Variants in ADAM23 observed in about 807,000 individuals in gnomAD.
ADAM23 encodes the protein disintegrin and metalloproteinase domain-containing protein 23.
ADAM23 carries 33 observed loss-of-function variants against 120.1 expected under a neutral mutation model. The observed-to-expected ratio is 0.27, with a 90% CI of 0.21 to 0.37. The LOEUF is 0.37. Among genes scored for constraint, ADAM23 ranks in the 10% least tolerant of loss-of-function variants. The probability of loss-of-function intolerance (pLI) is 1.00; values close to 1 mark genes in which losing one functional copy is unlikely to be tolerated. For missense variants in ADAM23, 862 were observed against 1,058.2 expected (o/e 0.81, Z 2.57); for synonymous variants, 367 against 375.2 (o/e 0.98, Z 0.25).
At chr2:206,575,589 A>G (rs773822161) in intron 18 of ADAM23, among the ~76,000 whole-genome samples, 1 of 152,164 alleles carries the variant, frequency 6.6e-6, no homozygotes, top group Non-Finnish European at 1.5e-5. Flanking sequence ...AGAGGCTCCC[A>G]ATAGAGTACA....
intron 4 of ADAM23, among the ~76,000 whole-genome samples, chr2:206,533,749 T>C (rs1028878845): frequency 5.9e-5 from 9 of 152,244 alleles, no homozygotes; most frequent in Non-Finnish European, 1.3e-4. Flanking sequence ...AAAAGATTAA[T>C]GTCTTGGCTT....
intron 3 of ADAM23, among the ~76,000 whole-genome samples, chr2:206,499,500 G>C (rs1026920775): frequency 1.5e-5 from 2 of 129,060 alleles, no homozygotes; most frequent in Non-Finnish European, 3.3e-5. Flanking sequence ...TTGTGGGGTG[G>C]GGGGAGGGGG....
Position 206,531,330 on chromosome 2 carries a change from G to A in ADAM23, c.573+382G>A, listed in dbSNP as rs79692644. Among the ~76,000 whole-genome samples the A allele has an allele frequency of 1.6e-4, 25 of 152,286 alleles. No homozygotes were observed. In the East Asian group the frequency reaches 4.6e-3, roughly 28 times the overall value. ...TGCAAATGATTTTGCTGCCCAAGAA[G>A]GGCAGAGGACAGGTGGGGGAAGTGA... On this transcript the variant is annotated intron_variant, in intron 4 of 25. Transcript: ENST00000264377.
chr2:206,494,432 A>C (rs1171746802), intron 3 of ADAM23, among the ~76,000 whole-genome samples: 5 of 152,200 alleles, frequency 3.3e-5, no homozygotes, highest in African/African-American at 1.2e-4. Context: ...CCTGTGCACT[A>C]TGCCAGCTCA....
chr2:206,553,149 G>A lies in ADAM23; in HGVS notation c.933+2989G>A, dbSNP rs567001501. Among the ~76,000 whole-genome samples the A allele has an allele frequency of 1.6e-4, 24 of 152,312 alleles. No individual in the cohort carries two copies. In the South Asian group the frequency reaches 3.9e-3, roughly 25 times the overall value. ...TCGCAGCACTTTGGGAGTCCAAGGC[G>A]TGTGGATCACTTGAGGTAAGGAGTT... On this transcript the variant is annotated intron_variant, in intron 9 of 25. Coordinates refer to ENST00000264377, the MANE Select transcript of ADAM23 (RefSeq NM_003812.4).
At chr2:206,489,527 T>C (rs779515310) in intron 3 of ADAM23, among the ~76,000 whole-genome samples, 40 of 152,218 alleles carry the variant, frequency 2.6e-4, no homozygotes, top group Non-Finnish European at 4.4e-4. Flanking sequence ...GAAGGTTAAA[T>C]GCTTTACTTC....
At chr2:206,510,329 A>G (rs970306781) in intron 3 of ADAM23, among the ~76,000 whole-genome samples, 4 of 152,238 alleles carry the variant, frequency 2.6e-5, no homozygotes, top group African/African-American at 7.2e-5. Context: ...AAAAAATCCT[A>G]CTAAAGTTGT....
intron 10 of ADAM23, among the ~76,000 whole-genome samples, chr2:206,558,921 TTTTGTTTG>T (rs71409830): frequency 0.11 from 15,005 of 134,838 alleles, 1,242 homozygotes; most frequent in Admixed American, 0.17. Context: ...ATCCATTGGT[TTTTGTTTG>T]TTTGTTTGTT....
intron 18 of ADAM23, among the ~76,000 whole-genome samples, chr2:206,583,102 C>T (rs1698250106): frequency 6.6e-6 from 1 of 152,326 alleles, no homozygotes; most frequent in African/African-American, 2.4e-5. Context: ...AGGTCTCTCA[C>T]AAGGCCAAGG....
intron 2 of ADAM23, among the ~76,000 whole-genome samples, chr2:206,475,789 A>T (rs1695762329): frequency 6.6e-6 from 1 of 152,062 alleles, no homozygotes; most frequent in Admixed American, 6.6e-5. Context: ...AAAAAAGGTG[A>T]TGTTTTATAT....
intron 2 of ADAM23, among the ~76,000 whole-genome samples, chr2:206,454,142 G>A (rs1574475773): frequency 6.6e-6 from 1 of 152,162 alleles, no homozygotes; most frequent in African/African-American, 2.4e-5. Flanking sequence ...ACCTGAGACT[G>A]GGTAATTTAT....
chr2:206,587,736 T>A (rs1305254517), intron 19 of ADAM23, among the ~76,000 whole-genome samples: 1 of 152,044 alleles, frequency 6.6e-6, no homozygotes, highest in African/African-American at 2.4e-5. Flanking sequence ...AACCTACAGG[T>A]GAGTATCATG....
At chr2:206,568,576 G>C (rs569052505) in intron 15 of ADAM23, among the ~76,000 whole-genome samples, 490 of 152,278 alleles carry the variant, frequency 3.2e-3, no homozygotes, top group Non-Finnish European at 5.9e-3. Flanking sequence ...AAACTCACCA[G>C]CTTCAAAGCT....
At chr2:206,464,530 G>A (rs10195339) in intron 2 of ADAM23, among the ~76,000 whole-genome samples, 2,574 of 151,708 alleles carry the variant, frequency 0.017, 34 homozygotes, top group African/African-American at 0.025. Flanking sequence ...AGCCGAGAAC[G>A]CACCACTGCT....
chr2:206,485,704 C>T (rs1695997896), intron 3 of ADAM23, among the ~76,000 whole-genome samples: 1 of 152,190 alleles, frequency 6.6e-6, no homozygotes, highest in Non-Finnish European at 1.5e-5. Flanking sequence ...GCTGATGTTG[C>T]TGAGAATAAG....
intron 3 of ADAM23, among the ~76,000 whole-genome samples, chr2:206,500,678 C>T (rs1696369168): frequency 6.6e-6 from 1 of 152,118 alleles, no homozygotes; most frequent in African/African-American, 2.4e-5. Context: ...CTCCAGGAAC[C>T]TGAGAGTGTG....
intron 24 of ADAM23, among the ~76,000 whole-genome samples, chr2:206,606,061 G>C (rs950898950): frequency 5.9e-5 from 9 of 152,154 alleles, no homozygotes; most frequent in African/African-American, 2.2e-4. Flanking sequence ...ACCTTCTCCT[G>C]TCTGGAACAA....
intron 2 of ADAM23, among the ~76,000 whole-genome samples, chr2:206,470,768 C>T (rs1695641186): frequency 6.6e-6 from 1 of 152,194 alleles, no homozygotes; most frequent in Non-Finnish European, 1.5e-5. Flanking sequence ...TAGATGAGGT[C>T]AGAATTCAGT....
At chr2:206,493,063 C>G (rs907372366) in intron 3 of ADAM23, among the ~76,000 whole-genome samples, 15 of 152,174 alleles carry the variant, frequency 9.9e-5, no homozygotes, top group Admixed American at 3.3e-4. Context: ...GGCTTGACAT[C>G]ACATGAACTG....
Sources: allele counts gnomAD v4.1 joint callset (sites outside exome capture counted in the v4.1 genomes callset), GRCh38; gene constraint gnomAD v4.1.1; transcripts MANE v1.5; gene names NCBI Gene and HGNC (gene_info 2026-07-23, HGNC 2026-07-21).